Variants in CDC25A observed in about 807,000 individuals in gnomAD.
CDC25A encodes M-phase inducer phosphatase 1.
A neutral mutation model predicts 64.6 loss-of-function variants in CDC25A; 17 were observed. That is an observed-to-expected ratio of 0.26 (90% CI 0.18 to 0.39). The LOEUF (loss-of-function observed/expected upper bound fraction) is 0.39. Among genes scored for constraint, CDC25A ranks in the 10% least tolerant of loss-of-function variants. The pLI is 1.00. For missense variants in CDC25A, 473 were observed against 654.8 expected (o/e 0.72, Z 3.03); for synonymous variants, 229 against 238.6 (o/e 0.96, Z 0.37).
At chr3:48,161,468 G>T in intron 13 of CDC25A, 1 of 152,882 alleles carries the variant, frequency 6.5e-6, no homozygotes. Context: ...TGTAATCCAA[G>T]CACTTTGGGA....
chr3:48,169,104 C>G lies in CDC25A; in HGVS notation c.931-1160G>C, dbSNP rs181379279. 2.0e-3 allele frequency among the ~76,000 whole-genome samples: 299 copies of G among 152,310 alleles called. 3 individuals are homozygous for G. The highest frequency in any genetic ancestry group is 6.7e-3 in the African/African-American group (277 of 41,570). On this transcript the variant is annotated intron_variant, in intron 9 of 14. Transcript: ENST00000302506. ...TATTGAAAAACAACTATAAGTCTTG[C>G]TTTCAACTTTGGAAGATGCTTGGTA... is the stretch of plus-strand genomic sequence containing the variant.
At chr3:48,165,087 C>G (rs1302069848) in intron 12 of CDC25A, among the ~76,000 whole-genome samples, 1 of 123,966 alleles carries the variant, frequency 8.1e-6, no homozygotes, top group African/African-American at 2.9e-5. Context: ...TCCAGCCTGG[C>G]GACAGAGCGG....
Position 48,174,414 on chromosome 3 carries a change from G to T in CDC25A, c.800C>A (p.Ser267Tyr). Residue 267 changes from serine to tyrosine, a missense_variant, in exon 9 of 15, where the codon TCC (serine) becomes TAC (tyrosine). This residue lies in a region of CDC25A where 376 missense variants were observed against 431.9 expected (regional missense o/e 0.87). Coordinates refer to ENST00000302506, the MANE Select transcript of CDC25A (RefSeq NM_001789.3). ...TCTCTTCAACACTGACCGAGTGCTG[G>T]AGCTACACAGGGAAGGGGAGTCAAA... The part of the protein sequence containing the change: ...KLFDSPSLCS[S>Y]STRSVLKRPE... 1 of 1,614,002 alleles carries T rather than the reference G, an allele frequency of 6.2e-7. No individual in the cohort carries two copies. Among genetic ancestry groups the T allele is most frequent in the Non-Finnish European group, 8.5e-7 (1 of 1,179,980 alleles).
At chr3:48,182,398 C>G (rs1237608514) in intron 5 of CDC25A, among the ~76,000 whole-genome samples, 2 of 152,176 alleles carry the variant, frequency 1.3e-5, no homozygotes, top group Non-Finnish European at 2.9e-5. Context: ...AACAAAAAAG[C>G]CAGGCTCATT....
At chr3:48,159,304 G>A (rs774098146) in intron 14 of CDC25A, 40 bp downstream of exon 14, 1 of 1,445,668 alleles carries the variant, frequency 6.9e-7, no homozygotes. Flanking sequence ...TACCACTGGG[G>A]GCAGGGGAGG....
At chr3:48,174,163 A>C in intron 9 of CDC25A, 121 bp downstream of exon 9, 1 of 901,864 alleles carries the variant, frequency 1.1e-6, no homozygotes. Flanking sequence ...ACACACACAC[A>C]CAACCCCACA....
rs751986998 is a variant in CDC25A at position 48,174,272 on chromosome 3, T to C, written c.930+12A>G. On this transcript the variant is annotated intron_variant, in intron 9 of 14. Transcript: ENST00000302506. The stretch of plus-strand genomic sequence containing the variant: ...ATCTGTGCTAGAGCAAAAAGGAACC[T>C]AGGAAACTAACCTCATGGGCCTTCT... The C allele has an allele frequency of 6.2e-7, 1 of 1,600,316 alleles. No individual in the cohort carries two copies. The highest frequency in any genetic ancestry group is 8.5e-7 in the Non-Finnish European group (1 of 1,176,002).
Position 48,174,288 on chromosome 3 carries a change from T to G in CDC25A, c.926A>C (p.His309Pro), listed in dbSNP as rs748224977. The G allele has an allele frequency of 6.2e-7, 1 of 1,610,894 alleles. No individual in the cohort carries two copies. Among genetic ancestry groups the G allele is most frequent in the Non-Finnish European group, 8.5e-7 (1 of 1,179,172 alleles). Residue 309 changes from histidine to proline, a missense_variant, in exon 9 of 15, where the codon CAT (histidine) becomes CCT (proline). His to Pro is a moderately conservative substitution (Grantham distance 77). This residue lies in a region of CDC25A where 376 missense variants were observed against 431.9 expected (regional missense o/e 0.87). Coordinates refer to ENST00000302506, the MANE Select transcript of CDC25A (RefSeq NM_001789.3). ...PKESTNPEKA[H>P]ETLHQSLSLA... ...AAAGGAACCTAGGAAACTAACCTCA[T>G]GGGCCTTCTCTGGATTAGTTGACTC...
intron 13 of CDC25A, chr3:48,161,554 C>T (rs1469482151): frequency 1.3e-5 from 2 of 151,948 alleles, no homozygotes; most frequent in African/African-American, 4.8e-5. Flanking sequence ...ATAAAAAATA[C>T]AAAAATTAGC....
In CDC25A at chr3:48,183,879, A is replaced by G. The variant is rs1371024775; in HGVS notation, c.291-43T>C. ...GGTAAATAATGAGAATAAAACAAGT[A>G]AAGAGGTATTCATATTAGCAGAGAG... On this transcript the variant is annotated intron_variant, in intron 3 of 14. Coordinates refer to ENST00000302506, the MANE Select transcript of CDC25A (RefSeq NM_001789.3). The G allele has an allele frequency of 4.0e-6, 5 of 1,258,972 alleles. No individual in the cohort carries two copies. In the African/African-American group the frequency reaches 5.9e-5, roughly 15 times the overall value. 78.0% of individuals were successfully genotyped at this position (1,258,972 alleles called of 1,614,324 possible).
intron 1 of CDC25A, among the ~76,000 whole-genome samples, chr3:48,187,219 C>T (rs1206825381): frequency 6.6e-6 from 1 of 152,110 alleles, no homozygotes; most frequent in East Asian, 1.9e-4. Context: ...TTTTTGCTAT[C>T]AGGAAAAGCC....
chr3:48,181,509 T>C lies in CDC25A; in HGVS notation c.430-669A>G, dbSNP rs927448395. The C allele has an allele frequency of 1.1e-5, 12 of 1,109,132 alleles. No individual in the cohort carries two copies. The African/African-American group carries it at 1.7e-4, about 16-fold the overall frequency. The allele number at this position is 1,109,132 out of a possible 1,614,324, so 68.7% of individuals were successfully genotyped here. ...TGGGTGGCTGAGTTCCCCGTTGCCC[T>C]TGGTCTCGGGGTCGCGGTCGGCACT... On this transcript the variant is annotated intron_variant, in intron 5 of 14. Transcript: ENST00000302506.
In CDC25A at chr3:48,175,954, CAA is replaced by C. The variant is rs578190938; in HGVS notation, c.756+1415_756+1416del. On this transcript the variant is annotated intron_variant, in intron 8 of 14. Transcript: ENST00000302506. ...GGCAGGTGGATGGATCACCTGAGGT[CAA>C]GAGTTCGAGACCAGCCTGGCCAACA... Among the ~76,000 whole-genome samples the C allele has an allele frequency of 2.0e-3, 301 of 152,246 alleles. 3 individuals are homozygous for C. The highest frequency in any genetic ancestry group is 6.7e-3 in the African/African-American group (279 of 41,548).
chr3:48,160,409 AC>A (rs1483147347), intron 13 of CDC25A, among the ~76,000 whole-genome samples: 1 of 106,104 alleles, frequency 9.4e-6, no homozygotes, highest in South Asian at 2.9e-4. Context: ...GCACCCAGTC[AC>A]CTTTTTTTTT....
intron 4 of CDC25A, among the ~76,000 whole-genome samples, chr3:48,183,592 G>A (rs1223354224): frequency 1.3e-5 from 2 of 152,152 alleles, no homozygotes; most frequent in African/African-American, 2.4e-5. Flanking sequence ...GAGGTGGGAG[G>A]ATCACTTGAG....
chr3:48,169,133 C>T (rs1257933134), intron 9 of CDC25A, among the ~76,000 whole-genome samples: 1 of 152,148 alleles, frequency 6.6e-6, no homozygotes, highest in South Asian at 2.1e-4. Context: ...CTTGGTAGGG[C>T]ATTATTTGGA....
rs974556912 is a variant in CDC25A, at chr3:48,158,041, C to G, written c.*904G>C. On this transcript the variant is annotated 3_prime_UTR_variant, in exon 15 of 15. Transcript: ENST00000302506. The stretch of plus-strand genomic sequence containing the variant: ...CTGGGAAACCTACACTGCAACATTC[C>G]AGCACTGAGCCGGGGGTGGCCCAAC... The G allele has an allele frequency of 6.6e-6, 1 of 152,462 alleles. No homozygotes were observed. The highest frequency in any genetic ancestry group is 2.4e-5 in the African/African-American group (1 of 41,390). 9.4% of individuals were successfully genotyped at this position (152,462 alleles called of 1,614,324 possible). A position where few individuals can be genotyped will look rare whatever the true frequency, so the allele number is the denominator to read the frequency against.
chr3:48,185,085 G>A (rs1157566607), intron 2 of CDC25A, among the ~76,000 whole-genome samples: 1 of 152,052 alleles, frequency 6.6e-6, no homozygotes, highest in Admixed American at 6.6e-5. Context: ...GTTTTTAAAC[G>A]TTTTACCTTG....
intron 8 of CDC25A, among the ~76,000 whole-genome samples, chr3:48,175,729 C>G (rs2032431020): frequency 1.3e-5 from 2 of 152,206 alleles, no homozygotes; most frequent in Admixed American, 1.3e-4. Flanking sequence ...AAACTAACAG[C>G]CACTTCCAAA....
Sources: allele counts gnomAD v4.1 joint callset (sites outside exome capture counted in the v4.1 genomes callset), GRCh38; gene constraint gnomAD v4.1.1; regional missense constraint gnomAD v4.1.1; transcripts MANE v1.5; gene names NCBI Gene and HGNC (gene_info 2026-07-23, HGNC 2026-07-21).